ERG: variants seen among roughly 807,000 people sequenced by gnomAD.
ERG encodes the protein ETS transcription factor ERG, also known as transcriptional regulator ERG.
In ERG, 9 loss-of-function variants were observed where a neutral mutation model predicts 55.3. That is an observed-to-expected ratio of 0.16 (90% CI 0.10 to 0.28). The LOEUF (loss-of-function observed/expected upper bound fraction) is 0.28, where lower values mean the gene tolerates loss of function less well. Ranked by LOEUF, ERG falls within the 10% of genes least tolerant of loss-of-function variation. The probability of loss-of-function intolerance (pLI) is 1.00; values close to 1 mark genes in which losing one functional copy is unlikely to be tolerated. For missense variants in ERG, 434 were observed against 631.6 expected (o/e 0.69, Z 3.35); for synonymous variants, 223 against 237.3 (o/e 0.94, Z 0.55).
chr21:38,400,478 T>C, intron 6 of ERG, 96 bp downstream of exon 6: 1 of 967,072 alleles, frequency 1.0e-6, no homozygotes, highest in Non-Finnish European at 1.7e-6. Flanking sequence ...AGCTCCGGGA[T>C]CAGCTCTCTT....
At chr21:38,642,048 T>C (rs2060428296) in intron 1 of ERG, among the ~76,000 whole-genome samples, 1 of 152,244 alleles carries the variant, frequency 6.6e-6, no homozygotes, top group Non-Finnish European at 1.5e-5. Flanking sequence ...ACTAGGTAGA[T>C]AAATTTATAA....
At position 38,382,376 on chromosome 21, in the gene ERG, CT is replaced by C; in HGVS notation, c.*1026del. 3 of 1,060,388 alleles carry C rather than the reference CT, an allele frequency of 2.8e-6. No individual in the cohort carries two copies. Among genetic ancestry groups the C allele is most frequent in the Non-Finnish European group, 3.4e-6 (3 of 875,884 alleles). 65.7% of individuals were successfully genotyped at this position (1,060,388 alleles called of 1,614,324 possible). On this transcript the variant is annotated 3_prime_UTR_variant, in exon 10 of 10. Transcript: ENST00000288319. ...CAAGAAGGCCATCTCTTACCTGACC[CT>C]GTGGAGAACAAAGCCCCCACATAAT...
intron 1 of ERG, among the ~76,000 whole-genome samples, chr21:38,606,076 A>AT (rs1416283468): frequency 6.7e-5 from 10 of 149,856 alleles, no homozygotes; most frequent in Non-Finnish European, 1.4e-4. Context: ...AGAGAGAGAG[A>AT]TGATAGCTAG....
At chr21:38,623,239 C>T (rs1272913511) in intron 1 of ERG, among the ~76,000 whole-genome samples, 1 of 149,936 alleles carries the variant, frequency 6.7e-6, no homozygotes, top group Non-Finnish European at 1.5e-5. Flanking sequence ...AGACACCATG[C>T]ATACACACCA....
intron 1 of ERG, among the ~76,000 whole-genome samples, chr21:38,458,021 ACAGGG>A (rs1345090883): frequency 6.6e-6 from 1 of 152,254 alleles, no homozygotes; most frequent in African/African-American, 2.4e-5. Flanking sequence ...AGTGCAAAGA[ACAGGG>A]CAGCTGGAAG....
chr21:38,456,005 T>A (rs909331774), intron 1 of ERG, among the ~76,000 whole-genome samples: 1 of 152,134 alleles, frequency 6.6e-6, no homozygotes, highest in Non-Finnish European at 1.5e-5. Flanking sequence ...GTGCCCCTCA[T>A]GTACCAAGTC....
chr21:38,460,417 T>C lies in ERG; in HGVS notation c.19-14796A>G, dbSNP rs897862523. On this transcript the variant is annotated intron_variant, in intron 1 of 9. Coordinates refer to ENST00000288319, the MANE Select transcript of ERG (RefSeq NM_182918.4). The surrounding 1 kb of genome is among the most constrained non-coding windows in gnomAD (Gnocchi z 5.0). ...CTCATAAGGGTTCTGCAAAGAAAAT[T>C]CTTTCTATCTTTAAAGTTTTATTAT... Among the ~76,000 whole-genome samples, 15 of 151,964 alleles carry C rather than the reference T, an allele frequency of 9.9e-5. No homozygotes were observed. Among genetic ancestry groups the C allele is most frequent in the Admixed American group, 9.3e-4 (14 of 14,976 alleles).
At chr21:38,386,826 G>A (rs375704449) in intron 9 of ERG, among the ~76,000 whole-genome samples, 2 of 151,562 alleles carry the variant, frequency 1.3e-5, no homozygotes, top group Admixed American at 6.6e-5. Context: ...ACATCCTTGC[G>A]ATGTCAGTAA....
At chr21:38,528,514 C>T (rs2059648113) in intron 2 of ERG, among the ~76,000 whole-genome samples, 1 of 28,600 alleles carries the variant, frequency 3.5e-5, no homozygotes. Flanking sequence ...GTGGCGGGAT[C>T]TCGGCTCACT....
chr21:38,499,653 T>A (rs1306534611), upstream of ERG, among the ~76,000 whole-genome samples: 1 of 152,042 alleles, frequency 6.6e-6, no homozygotes, highest in African/African-American at 2.4e-5. Context: ...CAGGTCATTC[T>A]GGCTTTTATT....
intron 2 of ERG, among the ~76,000 whole-genome samples, chr21:38,567,391 T>C (rs2059929736): frequency 6.6e-6 from 1 of 152,182 alleles, no homozygotes; most frequent in Non-Finnish European, 1.5e-5. Flanking sequence ...TTGTAGAAAT[T>C]TTAATTGTGC....
chr21:38,418,927 C>CAAAA (rs35001409), intron 3 of ERG, among the ~76,000 whole-genome samples: 17 of 80,858 alleles, frequency 2.1e-4, no homozygotes, highest in Middle Eastern at 6.0e-3. Flanking sequence ...GACTTTGTCT[C>CAAAA]AAAAAAAAAA....
chr21:38,649,553 T>C (rs1053573408), intron 1 of ERG, among the ~76,000 whole-genome samples: 12 of 152,268 alleles, frequency 7.9e-5, no homozygotes, highest in Non-Finnish European at 1.6e-4. Context: ...TCACTGAACG[T>C]AACCTCAAGT....
intron 6 of ERG, among the ~76,000 whole-genome samples, chr21:38,395,207 T>C (rs918816076): frequency 1.3e-5 from 2 of 152,188 alleles, no homozygotes; most frequent in Non-Finnish European, 2.9e-5. Context: ...ACCGATCACA[T>C]GCTGTGGGCA....
chr21:38,462,522 CT>C (rs2059053202), intron 1 of ERG, among the ~76,000 whole-genome samples: 2 of 152,038 alleles, frequency 1.3e-5, no homozygotes, highest in Admixed American at 1.3e-4. Flanking sequence ...TAATAAGACA[CT>C]TTATGAAGAA....
rs952866709 is a variant in ERG, at chr21:38,618,557, G to A, written c.-149-33612C>T. 3.9e-5 allele frequency among the ~76,000 whole-genome samples: 6 copies of A among 152,258 alleles called. No individual in the cohort carries two copies. The South Asian group carries it at 1.0e-3, about 26-fold the overall frequency. On this transcript the variant is annotated intron_variant, in intron 1 of 10. Transcript: ENST00000398910. ...CTCTCTCATTTGGCGGGGAGGTTGG[G>A]GGGGAACAACTTTAAAACAGAACTT...
intron 2 of ERG, among the ~76,000 whole-genome samples, chr21:38,543,572 G>A (rs775479332): frequency 3.9e-5 from 6 of 152,192 alleles, no homozygotes; most frequent in Non-Finnish European, 7.3e-5. Context: ...GCTGGGAAGT[G>A]AGGATGGAGC....
intron 2 of ERG, among the ~76,000 whole-genome samples, chr21:38,570,273 G>C (rs901914062): frequency 6.6e-6 from 1 of 152,120 alleles, no homozygotes; most frequent in Non-Finnish European, 1.5e-5. Context: ...AAAGCAACTA[G>C]CCAGCATGTG....
intron 1 of ERG, chr21:38,474,246 A>G (rs2059166854): frequency 6.8e-6 from 1 of 146,152 alleles, no homozygotes; most frequent in Admixed American, 7.1e-5. Flanking sequence ...TATACCCTGG[A>G]CTTCTCGACA....
Sources: allele counts gnomAD v4.1 joint callset (sites outside exome capture counted in the v4.1 genomes callset), GRCh38; gene constraint gnomAD v4.1.1; non-coding constraint Gnocchi (gnomAD v3.1); transcripts MANE v1.5; gene names NCBI Gene and HGNC (gene_info 2026-07-23, HGNC 2026-07-21).